The following DCLK1 variants were observed in gnomAD, a reference collection of about 807,000 sequenced individuals.
DCLK1 encodes doublecortin like kinase 1, also known as serine/threonine-protein kinase DCLK1.
A neutral mutation model predicts 86.2 loss-of-function variants in DCLK1; 16 were observed. The ratio of observed to expected loss-of-function variants is 0.19; its 90% CI spans 0.13 to 0.28. The LOEUF (loss-of-function observed/expected upper bound fraction) is 0.28, where lower values mean the gene tolerates loss of function less well. Among genes scored for constraint, DCLK1 ranks in the 10% least tolerant of loss-of-function variants. DCLK1 has a pLI of 1.00. For synonymous variants in DCLK1, 369 were observed against 370.5 expected (o/e 1.00, Z 0.05); for missense variants, 590 against 940.2 (o/e 0.63, Z 4.87).
chr13:35,879,552 T>A (rs949742960), intron 4 of DCLK1, among the ~76,000 whole-genome samples: 1 of 152,162 alleles, frequency 6.6e-6, no homozygotes, highest in Non-Finnish European at 1.5e-5. Context: ...TCTGCAGGTG[T>A]CCTGAGGGAT....
chr13:35,822,934 G>C, intron 10 of DCLK1, 59 bp from the exon 11 acceptor site: 1 of 1,589,872 alleles, frequency 6.3e-7, no homozygotes, highest in Non-Finnish European at 8.6e-7. Flanking sequence ...GGGGCCACCT[G>C]CAGAGGCCAT....
chr13:36,075,115 T>C (rs1224994434), intron 3 of DCLK1, among the ~76,000 whole-genome samples: 1 of 152,202 alleles, frequency 6.6e-6, no homozygotes, highest in Non-Finnish European at 1.5e-5. Context: ...GGCAAATACA[T>C]TTTTAGGATT....
At chr13:36,106,844 T>G (rs1402970539) in intron 3 of DCLK1, among the ~76,000 whole-genome samples, 1 of 152,176 alleles carries the variant, frequency 6.6e-6, no homozygotes, top group African/African-American at 2.4e-5. Context: ...AATAATAATT[T>G]GTACCACTTT....
intron 3 of DCLK1, among the ~76,000 whole-genome samples, chr13:35,967,192 G>A (rs574499307): frequency 6.7e-4 from 98 of 145,820 alleles, no homozygotes; most frequent in African/African-American, 2.4e-3. Context: ...TCTGACTGGC[G>A]GCCCCGTCTG....
chr13:35,872,996 A>G (rs1872377530), intron 4 of DCLK1, among the ~76,000 whole-genome samples: 1 of 152,180 alleles, frequency 6.6e-6, no homozygotes, highest in Admixed American at 6.5e-5. Context: ...ATATGTTTAT[A>G]TCACAACTTA....
intron 4 of DCLK1, among the ~76,000 whole-genome samples, chr13:35,904,631 T>C (rs1056276479): frequency 3.3e-5 from 5 of 152,338 alleles, no homozygotes; most frequent in African/African-American, 1.2e-4. Flanking sequence ...TCCACCTCCT[T>C]CCCTTTTGCC....
intron 5 of DCLK1, among the ~76,000 whole-genome samples, chr13:35,857,561 T>C (rs9574747): frequency 0.56 from 85,821 of 152,136 alleles, 25,035 homozygotes; most frequent in African/African-American, 0.7. Context: ...AAAATACTCT[T>C]TTCCTTTTGC....
In DCLK1 at chr13:35,826,546, A is replaced by AG. The variant is rs1566553320; in HGVS notation, c.1407+1088dup. On this transcript the variant is annotated intron_variant, in intron 10 of 16. Transcript: ENST00000360631. ...CTCAAAAAAAAAAAAAAAAAAAGAA[A>AG]GAAAGAAAGAAAGAAACAAGTCCTA... Among the ~76,000 whole-genome samples the AG allele has an allele frequency of 2.5e-4, 6 of 23,918 alleles. 1 individual carries two copies. Among genetic ancestry groups the AG allele is most frequent in the South Asian group, 1.7e-3 (1 of 574 alleles). 15.7% of individuals were successfully genotyped at this position (23,918 alleles called of 152,430 possible).
At chr13:35,986,654 T>C (rs1238946905) in intron 3 of DCLK1, among the ~76,000 whole-genome samples, 1 of 152,180 alleles carries the variant, frequency 6.6e-6, no homozygotes, top group Non-Finnish European at 1.5e-5. Flanking sequence ...GGGTTTCTTT[T>C]GTCGCTCACT....
At chr13:35,984,420 GAAGT>G (rs1879803832) in intron 3 of DCLK1, among the ~76,000 whole-genome samples, 1 of 152,216 alleles carries the variant, frequency 6.6e-6, no homozygotes, top group Non-Finnish European at 1.5e-5. Context: ...GCCCAGAGGA[GAAGT>G]AATGGCTTCA....
intron 3 of DCLK1, among the ~76,000 whole-genome samples, chr13:35,969,040 GA>G (rs1294216226): frequency 2.0e-5 from 3 of 152,172 alleles, no homozygotes; most frequent in African/African-American, 7.2e-5. Context: ...CATGTTAAAA[GA>G]AGATAAAAAT....
intron 3 of DCLK1, among the ~76,000 whole-genome samples, chr13:35,954,668 G>A (rs1160932262): frequency 6.6e-6 from 1 of 151,840 alleles, no homozygotes; most frequent in Admixed American, 6.6e-5. Flanking sequence ...TAGTTCTTAT[G>A]GCTAGAAGCT....
At chr13:35,990,938 C>A (rs755342844) in intron 3 of DCLK1, among the ~76,000 whole-genome samples, 11 of 152,184 alleles carry the variant, frequency 7.2e-5, no homozygotes, top group Non-Finnish European at 1.0e-4. Context: ...AATTCCTGCT[C>A]TGGGTGATGA....
rs562969522 is a variant in DCLK1 at position 36,131,163 on chromosome 13, C to A, written c.-69G>T. The A allele has an allele frequency of 6.6e-6, 1 of 151,476 alleles. No individual in the cohort carries two copies. Among genetic ancestry groups the A allele is most frequent in the African/African-American group, 2.4e-5 (1 of 41,256 alleles). The allele number at this position is 151,476 out of a possible 1,614,324, so 9.4% of individuals were successfully genotyped here. A position where few individuals can be genotyped will look rare whatever the true frequency, so the allele number is the denominator to read the frequency against. ...GGGTCTTTGTGGCCGCGCTGGGGGC[C>A]GCCTCCTGGTGCTGTCCTCGCCGGG... On this transcript the variant is annotated 5_prime_UTR_variant, in exon 1 of 17. Transcript: ENST00000360631.
intron 14 of DCLK1, among the ~76,000 whole-genome samples, chr13:35,807,514 A>G (rs2087051795): frequency 6.6e-6 from 1 of 152,200 alleles, no homozygotes; most frequent in Admixed American, 6.5e-5. Context: ...TAATTGATGG[A>G]TTCATTCATA....
Position 35,975,488 on chromosome 13 carries a change from G to A in DCLK1, c.724-28031C>T, listed in dbSNP as rs1285167164. Among the ~76,000 whole-genome samples the A allele has an allele frequency of 5.9e-5, 9 of 152,224 alleles. No homozygotes were observed. In the South Asian group the frequency reaches 1.5e-3, roughly 25 times the overall value. On this transcript the variant is annotated intron_variant, in intron 3 of 16. Transcript: ENST00000360631. The stretch of plus-strand genomic sequence containing the variant: ...GACAAGTCCCCACCACACAGCCCAC[G>A]AAGGACGCTATCCTCTTCCACCAGC...
chr13:35,805,046 T>C (rs1485682677), intron 15 of DCLK1, among the ~76,000 whole-genome samples: 2 of 152,172 alleles, frequency 1.3e-5, no homozygotes, highest in Non-Finnish European at 2.9e-5. Flanking sequence ...GCACTTTGGG[T>C]AGGAATCATG....
chr13:35,796,753 G>C (rs1044984778), intron 15 of DCLK1, among the ~76,000 whole-genome samples: 3 of 152,142 alleles, frequency 2.0e-5, no homozygotes, highest in Non-Finnish European at 4.4e-5. Flanking sequence ...CATCAATTGA[G>C]GATGCTCACT....
intron 6 of DCLK1, among the ~76,000 whole-genome samples, chr13:35,844,370 CA>C (rs1870027737): frequency 6.6e-6 from 1 of 152,186 alleles, no homozygotes; most frequent in South Asian, 2.1e-4. Context: ...ATTTCAAAGA[CA>C]AATGCACTTA....
Sources: allele counts gnomAD v4.1 joint callset (sites outside exome capture counted in the v4.1 genomes callset), GRCh38; gene constraint gnomAD v4.1.1; transcripts MANE v1.5; gene names NCBI Gene and HGNC (gene_info 2026-07-23, HGNC 2026-07-21).